SGMS1: variants seen among roughly 807,000 people sequenced by gnomAD.
The protein encoded by SGMS1 is sphingomyelin synthase 1.
In SGMS1, 13 loss-of-function variants were observed where a neutral mutation model predicts 46.2. That is an observed-to-expected ratio of 0.28 (90% CI 0.18 to 0.45). SGMS1 has a LOEUF of 0.45. Ranked by LOEUF, SGMS1 falls within the 20% of genes least tolerant of loss-of-function variation. The pLI, the probability that SGMS1 is intolerant of heterozygous loss-of-function variation, is 1.00. For synonymous variants in SGMS1, 203 were observed against 187.8 expected (o/e 1.08, Z -0.66); for missense variants, 324 against 519.9 (o/e 0.62, Z 3.66).
At chr10:50,531,830 A>G (rs1837955968) in intron 2 of SGMS1, among the ~76,000 whole-genome samples, 1 of 152,200 alleles carries the variant, frequency 6.6e-6, no homozygotes, top group African/African-American at 2.4e-5. Context: ...CTTTAATCCA[A>G]GCAATAGCAT....
At chr10:50,610,731 C>T (rs1838741797) in intron 1 of SGMS1, among the ~76,000 whole-genome samples, 1 of 152,184 alleles carries the variant, frequency 6.6e-6, no homozygotes, top group Admixed American at 6.5e-5. Flanking sequence ...TTCTGAGGCA[C>T]AGGTGAGGTT....
At chr10:50,617,338 T>G (rs750449317) in intron 1 of SGMS1, among the ~76,000 whole-genome samples, 8 of 152,192 alleles carry the variant, frequency 5.3e-5, no homozygotes, top group Non-Finnish European at 1.0e-4. Flanking sequence ...CTATACTGTA[T>G]GGTCCATTTA....
intron 6 of SGMS1, among the ~76,000 whole-genome samples, chr10:50,355,104 A>C (rs991752778): frequency 6.6e-6 from 1 of 152,240 alleles, no homozygotes; most frequent in Non-Finnish European, 1.5e-5. Context: ...TATATACCCA[A>C]AGGATTATAA....
chr10:50,484,123 T>C (rs1334852635), intron 3 of SGMS1, among the ~76,000 whole-genome samples: 1 of 151,480 alleles, frequency 6.6e-6, no homozygotes, highest in Non-Finnish European at 1.5e-5. Context: ...TTTTTGAAAA[T>C]ATTAATAAAA....
chr10:50,426,509 G>A (rs1849328947), intron 6 of SGMS1, among the ~76,000 whole-genome samples: 1 of 152,186 alleles, frequency 6.6e-6, no homozygotes, highest in African/African-American at 2.4e-5. Flanking sequence ...ACTGAAACAT[G>A]GCAGCTCTCT....
At chr10:50,427,326 T>C (rs976199118) in intron 6 of SGMS1, among the ~76,000 whole-genome samples, 1 of 152,090 alleles carries the variant, frequency 6.6e-6, no homozygotes, top group African/African-American at 2.4e-5. Flanking sequence ...ATGAACCCGG[T>C]AGGTGGAGCT....
chr10:50,617,122 G>A (rs1427593757), intron 1 of SGMS1, among the ~76,000 whole-genome samples: 4 of 152,180 alleles, frequency 2.6e-5, no homozygotes, highest in Admixed American at 6.5e-5. Context: ...TATGTCGCAA[G>A]TAATGGGGAC....
At chr10:50,574,961 G>GTATATATATATATCAATATA (rs1491469065) in intron 2 of SGMS1, among the ~76,000 whole-genome samples, 1 of 45,294 alleles carries the variant, frequency 2.2e-5, no homozygotes, top group Admixed American at 2.3e-4. Flanking sequence ...GGAAAATGTG[G>GTATATATATATATCAATATA]TGTATATATA....
intron 2 of SGMS1, among the ~76,000 whole-genome samples, chr10:50,578,204 C>T (rs1049516301): frequency 6.6e-6 from 1 of 152,198 alleles, no homozygotes; most frequent in Non-Finnish European, 1.5e-5. Context: ...AGCTTGAATG[C>T]TTTGTGGAAG....
chr10:50,447,047 C>G (rs1292211146), intron 5 of SGMS1, among the ~76,000 whole-genome samples: 12 of 152,144 alleles, frequency 7.9e-5, no homozygotes, highest in Admixed American at 7.9e-4. Flanking sequence ...CTATTGTCTG[C>G]TTCCTATCTA....
rs1848357083 is a variant in SGMS1, at chr10:50,366,945, G to A, written c.-231-22600C>T. On this transcript the variant is annotated intron_variant, in intron 6 of 10. Coordinates refer to ENST00000361781, the MANE Select transcript of SGMS1 (RefSeq NM_147156.4). Reference sequence around the variant, plus strand: ...GTTCTGCACATGTAACCCAGATCTTGAAGTATAATTTTTAAAAAAGTGGGC... The same window carrying A: ...GTTCTGCACATGTAACCCAGATCTTAAAGTATAATTTTTAAAAAAGTGGGC... Among the ~76,000 whole-genome samples the A allele has an allele frequency of 2.6e-5, 4 of 152,170 alleles. No homozygotes were observed. In the South Asian group the frequency reaches 6.2e-4, roughly 24 times the overall value.
chr10:50,411,561 C>T (rs756319229), intron 6 of SGMS1, among the ~76,000 whole-genome samples: 2 of 152,220 alleles, frequency 1.3e-5, no homozygotes, highest in Non-Finnish European at 2.9e-5. Flanking sequence ...AATTTCTAGT[C>T]TCATCCATAT....
At chr10:50,550,894 A>G (rs988197404) in intron 2 of SGMS1, among the ~76,000 whole-genome samples, 6 of 152,244 alleles carry the variant, frequency 3.9e-5, no homozygotes, top group African/African-American at 1.4e-4. Flanking sequence ...GTAGTATTGC[A>G]TTATAACCTG....
At chr10:50,374,801 C>T (rs560572618) in intron 6 of SGMS1, among the ~76,000 whole-genome samples, 2 of 152,238 alleles carry the variant, frequency 1.3e-5, no homozygotes, top group African/African-American at 4.8e-5. Context: ...AGTCTTTGCA[C>T]TTGAGGGCCC....
chr10:50,525,814 T>C (rs1245717569), intron 2 of SGMS1, among the ~76,000 whole-genome samples: 4 of 152,160 alleles, frequency 2.6e-5, no homozygotes, highest in Non-Finnish European at 5.9e-5. Context: ...GCCTAAAGCA[T>C]AAGAATTTCA....
intron 6 of SGMS1, among the ~76,000 whole-genome samples, chr10:50,405,337 G>GA (rs1339937946): frequency 1.3e-5 from 2 of 152,092 alleles, no homozygotes; most frequent in Non-Finnish European, 2.9e-5. Flanking sequence ...TTCTGAGGAA[G>GA]AAAAAATACA....
At chr10:50,561,653 T>G (rs1454495156) in intron 2 of SGMS1, among the ~76,000 whole-genome samples, 3 of 152,228 alleles carry the variant, frequency 2.0e-5, no homozygotes, top group Non-Finnish European at 4.4e-5. Context: ...AAGGTCAACT[T>G]AAAATGAACT....
At chr10:50,591,004 T>C (rs1838535361) in intron 1 of SGMS1, among the ~76,000 whole-genome samples, 1 of 152,152 alleles carries the variant, frequency 6.6e-6, no homozygotes, top group Non-Finnish European at 1.5e-5. Flanking sequence ...CAGGAATTGC[T>C]GAACCTCCTC....
chr10:50,383,835 T>C (rs1848643777), intron 6 of SGMS1, among the ~76,000 whole-genome samples: 1 of 152,236 alleles, frequency 6.6e-6, no homozygotes, highest in Admixed American at 6.5e-5. Flanking sequence ...AAAGGGGCTT[T>C]GGCTCAGGGC....
Sources: gnomAD v4.1 joint callset for allele counts (sites outside exome capture counted in the v4.1 genomes callset) on GRCh38, gnomAD v4.1.1 for gene constraint, MANE v1.5 for transcripts, NCBI Gene and HGNC (gene_info 2026-07-23, HGNC 2026-07-21) for gene names.